The following PAPLN variants were observed in gnomAD, a reference collection of about 807,000 sequenced individuals.
The protein encoded by PAPLN is papilin, proteoglycan like sulfated glycoprotein.
In PAPLN, 146 loss-of-function variants were observed where a neutral mutation model predicts 159.0. The ratio of observed to expected loss-of-function variants is 0.92; its 90% CI spans 0.80 to 1.05. PAPLN has a LOEUF of 1.05. PAPLN is among the 50% of genes least tolerant of loss of function. The probability of loss-of-function intolerance (pLI) is 0.00; values close to 1 mark genes in which losing one functional copy is unlikely to be tolerated. For missense variants in PAPLN, 1,720 were observed against 1,743.9 expected (o/e 0.99, Z 0.24); for synonymous variants, 734 against 702.9 (o/e 1.04, Z -0.70).
rs746430213 is a variant in PAPLN, at chr14:73,259,405, C to G, written c.1845C>G (p.Pro615=). Residue 615 remains proline (P), a synonymous_variant, in exon 16 of 27, where the codon CCC becomes CCG. Coordinates refer to ENST00000644200, the MANE Select transcript of PAPLN (RefSeq NM_001365906.3). ...ALGPAPSLQQ[P]PYQQPLRSGS... ...GCCCCGCTCCCTCTCTGCAGCAGCC[C>G]CCATACCAGCAACCCCTGCGGTCGG... is the stretch of plus-strand genomic sequence containing the variant. 2 of 1,613,018 alleles carry G rather than the reference C, an allele frequency of 1.2e-6. No individual in the cohort carries two copies. Among genetic ancestry groups the G allele is most frequent in the African/African-American group, 2.7e-5 (2 of 74,908 alleles).
At chr14:73,258,923 G>A in intron 14 of PAPLN, 56 bp from the exon 15 acceptor site, 2 of 1,512,990 alleles carry the variant, frequency 1.3e-6, no homozygotes, top group Non-Finnish European at 1.8e-6. Context: ...CCACAGCTCA[G>A]GTCCATCCTC....
In PAPLN at chr14:73,252,124, G is replaced by A; in HGVS notation, c.950G>A (p.Ser317Asn). 1 of 1,607,436 alleles carries A rather than the reference G, an allele frequency of 6.2e-7. No homozygotes were observed. The highest frequency in any genetic ancestry group is 8.5e-7 in the Non-Finnish European group (1 of 1,177,146). Residue 317 changes from serine (S) to asparagine (N), a missense_variant, in exon 10 of 27, where the codon AGC (serine) becomes AAC (asparagine). Transcript: ENST00000644200. The part of the protein sequence containing the change: ...SWSHGSWSDC[S>N]AECGGGHQSR... The stretch of plus-strand genomic sequence containing the variant: ...AGCCACGGCTCATGGAGTGACTGCA[G>A]CGCGGAGTGTGGCGGAGGTGCGGGC...
At chr14:73,261,629 G>T (rs1475416467) in intron 18 of PAPLN, among the ~76,000 whole-genome samples, 4 of 152,250 alleles carry the variant, frequency 2.6e-5, no homozygotes, top group Non-Finnish European at 5.9e-5. Context: ...ATGGGCAGGG[G>T]TGCCCTGACC....
intron 14 of PAPLN, among the ~76,000 whole-genome samples, chr14:73,257,513 A>G (rs1594809005): frequency 1.3e-5 from 2 of 152,238 alleles, no homozygotes; most frequent in African/African-American, 4.8e-5. Flanking sequence ...ATATTTTGTG[A>G]CGAAAAATCT....
rs200816041 is a variant in PAPLN at position 73,264,205 on chromosome 14, A to T, written c.2862-6A>T. The T allele has an allele frequency of 3.7e-5, 59 of 1,613,006 alleles. No individual in the cohort carries two copies. Among genetic ancestry groups the T allele is most frequent in the Non-Finnish European group, 4.9e-5 (58 of 1,179,778 alleles). The stretch of plus-strand genomic sequence containing the variant: ...AGCTCATGTCCTCCCACACCACCCC[A>T]CTCAGGCACAGGCTGCAGTTCGACG... On this transcript the variant is annotated splice_polypyrimidine_tract_variant and splice_region_variant and intron_variant, in intron 20 of 26. Coordinates refer to ENST00000644200, the MANE Select transcript of PAPLN (RefSeq NM_001365906.3).
At chr14:73,267,719 A>G (rs1887357925) in intron 25 of PAPLN, among the ~76,000 whole-genome samples, 1 of 152,108 alleles carries the variant, frequency 6.6e-6, no homozygotes, top group African/African-American at 2.4e-5. Flanking sequence ...GGGAGCCGCT[A>G]GAGGTGTCCC....
chr14:73,261,153 C>T lies in PAPLN; in HGVS notation c.2107-3C>T. ...ACTTCCCAATCATGGGTTTCCTCCC[C>T]AGGTCCACAACACCCACCAGCCCCA... On this transcript the variant is annotated splice_region_variant and splice_polypyrimidine_tract_variant and intron_variant, in intron 17 of 26. Transcript: ENST00000644200. 1.9e-6 allele frequency: 3 copies of T among 1,614,152 alleles called. No homozygotes were observed. The highest frequency in any genetic ancestry group is 2.5e-6 in the Non-Finnish European group (3 of 1,180,038).
chr14:73,248,292 T>C (rs1252179867), intron 5 of PAPLN, among the ~76,000 whole-genome samples: 1 of 151,692 alleles, frequency 6.6e-6, no homozygotes, highest in Non-Finnish European at 1.5e-5. Flanking sequence ...ATTGTGGCTG[T>C]GGGCGTGACC....
At chr14:73,258,044 C>T (rs1283312901) in intron 14 of PAPLN, among the ~76,000 whole-genome samples, 1 of 152,124 alleles carries the variant, frequency 6.6e-6, no homozygotes, top group African/African-American at 2.4e-5. Context: ...GGATTGCGGG[C>T]GGGAGCCCGT....
chr14:73,266,590 A>G lies in PAPLN; in HGVS notation c.3353A>G (p.Gln1118Arg). ...GFYTCVAFNG[Q>R]DRDQRWVQLR... is the part of the protein sequence containing the mutation. ...TACACCTGTGTCGCTTTCAATGGGC[A>G]GGACCGAGACCAGCGATGGGTCCAG... Residue 1118 changes from glutamine to arginine, a missense_variant, in exon 24 of 27, where the codon CAG becomes CGG. By Grantham distance (43) the Gln-to-Arg change is conservative. Transcript: ENST00000644200. 3 of 1,614,178 alleles carry G rather than the reference A, an allele frequency of 1.9e-6. No homozygotes were observed. Among genetic ancestry groups the G allele is most frequent in the Non-Finnish European group, 2.5e-6 (3 of 1,180,024 alleles).
At chr14:73,246,317 AACTCCTGGGCTCAAG>A (rs1226003823) in intron 5 of PAPLN, 142 bp downstream of exon 5, 1 of 701,926 alleles carries the variant, frequency 1.4e-6, no homozygotes, top group Non-Finnish European at 2.1e-6. Context: ...GCTGGTCTTG[AACTCCTGGGCTCAAG>A]GGATCCGCCG....
At chr14:73,264,175 C>T in intron 20 of PAPLN, 36 bp from the exon 21 acceptor site, 1 of 1,611,530 alleles carries the variant, frequency 6.2e-7, no homozygotes, top group Non-Finnish European at 8.5e-7. Context: ...CCCTTGGGAG[C>T]CCAGAGCTCA....
chr14:73,264,044 GGT>G (rs1374641317), intron 20 of PAPLN, 165 bp from the exon 21 acceptor site: 2 of 1,537,846 alleles, frequency 1.3e-6, no homozygotes, highest in East Asian at 2.4e-5. Context: ...TCCGCTGACA[GGT>G]GTGTGTGACA....
intron 2 of PAPLN, among the ~76,000 whole-genome samples, chr14:73,240,128 C>G (rs1392019900): frequency 6.6e-6 from 1 of 152,190 alleles, no homozygotes; most frequent in African/African-American, 2.4e-5. Flanking sequence ...CCCCGCCAAT[C>G]CTGGCGGGTG....
intron 5 of PAPLN, among the ~76,000 whole-genome samples, chr14:73,247,754 C>G (rs1201417370): frequency 1.3e-5 from 1 of 75,568 alleles, no homozygotes; most frequent in Non-Finnish European, 2.4e-5. Context: ...GTGTGTTGTG[C>G]CGATAGTGGC....
At chr14:73,254,329 G>A (rs958449084) in intron 12 of PAPLN, among the ~76,000 whole-genome samples, 184 bp from the exon 13 acceptor site, 1 of 152,212 alleles carries the variant, frequency 6.6e-6, no homozygotes, top group African/African-American at 2.4e-5. Flanking sequence ...TCAGTCTGTT[G>A]TCAGTAGCCA....
intron 25 of PAPLN, among the ~76,000 whole-genome samples, chr14:73,267,914 A>G (rs1163015891): frequency 6.6e-6 from 1 of 151,858 alleles, no homozygotes; most frequent in African/African-American, 2.4e-5. Flanking sequence ...ACAGCTGTCC[A>G]TGTTGGTTGC....
chr14:73,264,147 A>C, intron 20 of PAPLN, 64 bp from the exon 21 acceptor site: 1 of 1,606,190 alleles, frequency 6.2e-7, no homozygotes, highest in South Asian at 1.1e-5. Flanking sequence ...ACCGAGGCGG[A>C]GGGAAGACTC....
intron 19 of PAPLN, chr14:73,263,094 C>T (rs184694212): frequency 4.2e-5 from 17 of 401,970 alleles, no homozygotes; most frequent in East Asian, 7.3e-5. Context: ...CAGTATACCC[C>T]GGGGCCTGTC....
Sources: gnomAD v4.1 joint callset for allele counts (sites outside exome capture counted in the v4.1 genomes callset) on GRCh38, gnomAD v4.1.1 for gene constraint, MANE v1.5 for transcripts, NCBI Gene and HGNC (gene_info 2026-07-23, HGNC 2026-07-21) for gene names.